CNTNAP5: variants seen among roughly 807,000 people sequenced by gnomAD.
CNTNAP5 encodes the protein contactin-associated protein-like 5.
In CNTNAP5, 72 loss-of-function variants were observed where a neutral mutation model predicts 150.2. The observed-to-expected ratio is 0.48, with a 90% CI of 0.40 to 0.58. The LOEUF (loss-of-function observed/expected upper bound fraction) is 0.58. CNTNAP5 is among the 20% of genes least tolerant of loss of function. The pLI, the probability that CNTNAP5 is intolerant of heterozygous loss-of-function variation, is 0.00. For missense variants in CNTNAP5, 1,636 were observed against 1,626.2 expected (o/e 1.01, Z -0.10); for synonymous variants, 672 against 619.8 (o/e 1.08, Z -1.25).
intron 13 of CNTNAP5, among the ~76,000 whole-genome samples, chr2:124,693,713 C>G (rs969238527): frequency 4.0e-5 from 6 of 151,550 alleles, no homozygotes; most frequent in Admixed American, 4.0e-4. Context: ...TTTAACATCG[C>G]AGGCATGGGC....
chr2:124,557,783 T>C (rs1421209080), intron 10 of CNTNAP5, among the ~76,000 whole-genome samples: 2 of 152,000 alleles, frequency 1.3e-5, no homozygotes, highest in East Asian at 3.9e-4. Context: ...TTTGAGAAGG[T>C]GACACTTGAG....
At chr2:124,557,034 A>G (rs936217715) in intron 10 of CNTNAP5, among the ~76,000 whole-genome samples, 3 of 152,072 alleles carry the variant, frequency 2.0e-5, no homozygotes, top group Middle Eastern at 3.2e-3. Context: ...AAAAGCTCTA[A>G]GTTGCATCAT....
At chr2:124,035,910 C>CTTTTTTTTTTTTT (rs759598012) in intron 1 of CNTNAP5, among the ~76,000 whole-genome samples, 1 of 76,528 alleles carries the variant, frequency 1.3e-5, no homozygotes, top group East Asian at 5.0e-4. Flanking sequence ...AGGATGAACT[C>CTTTTTTTTTTTTT]TTTTTTTTTT....
intron 8 of CNTNAP5, among the ~76,000 whole-genome samples, chr2:124,511,764 A>G (rs1194446249): frequency 1.3e-5 from 2 of 152,086 alleles, no homozygotes; most frequent in Non-Finnish European, 1.5e-5. Context: ...ATGCTACCCA[A>G]CTCCCAAAAC....
intron 19 of CNTNAP5, among the ~76,000 whole-genome samples, chr2:124,824,165 T>C (rs1162836035): frequency 6.6e-6 from 1 of 151,894 alleles, no homozygotes; most frequent in Non-Finnish European, 1.5e-5. Context: ...TGATCTGCCC[T>C]CCTCGGCTTC....
intron 13 of CNTNAP5, among the ~76,000 whole-genome samples, chr2:124,727,747 T>C (rs191225631): frequency 6.6e-6 from 1 of 152,196 alleles, no homozygotes; most frequent in Admixed American, 6.6e-5. Context: ...GATTATGTCA[T>C]CTGCAGAGAC....
chr2:124,747,359 C>T lies in CNTNAP5; in HGVS notation c.2208C>T (p.Cys736=). ...DESCLDIQHF[C]NCDADKDEWT... is the part of the protein sequence containing the mutation. ...GCTGCCTGGACATTCAGCACTTTTG[C>T]AATTGCGACGCTGACAAGGATGAAT... Residue 736 remains cysteine (C), a synonymous_variant, in exon 14 of 24, where the codon TGC becomes TGT. Transcript: ENST00000682447. The T allele has an allele frequency of 5.6e-6, 9 of 1,613,762 alleles. No homozygotes were observed. Among genetic ancestry groups the T allele is most frequent in the Non-Finnish European group, 7.6e-6 (9 of 1,179,744 alleles).
At chr2:124,664,476 G>T (rs963835865) in intron 13 of CNTNAP5, among the ~76,000 whole-genome samples, 5 of 152,052 alleles carry the variant, frequency 3.3e-5, no homozygotes, top group Admixed American at 2.0e-4. Context: ...TCATGAATTG[G>T]CTTGGGGCTC....
chr2:124,053,948 C>T (rs1681777048), intron 1 of CNTNAP5, among the ~76,000 whole-genome samples: 1 of 152,146 alleles, frequency 6.6e-6, no homozygotes, highest in Non-Finnish European at 1.5e-5. Context: ...CAAGTTGTGG[C>T]AGGCCTTGGA....
At chr2:124,511,421 G>A (rs1359007626) in intron 8 of CNTNAP5, among the ~76,000 whole-genome samples, 1 of 152,144 alleles carries the variant, frequency 6.6e-6, no homozygotes, top group East Asian at 1.9e-4. Flanking sequence ...GTTTTTTGTA[G>A]TGCTTCTCAA....
intron 8 of CNTNAP5, among the ~76,000 whole-genome samples, chr2:124,510,337 C>CTATATATCTATATATATATATCTA (rs1558933371): frequency 1.3e-3 from 6 of 4,622 alleles, no homozygotes; most frequent in Non-Finnish European, 1.6e-3. Flanking sequence ...ATATATATAT[C>CTATATATCTATATATATATATCTA]TCCATATGTC....
intron 1 of CNTNAP5, among the ~76,000 whole-genome samples, chr2:124,172,953 C>T (rs1390248039): frequency 6.6e-6 from 1 of 152,182 alleles, no homozygotes; most frequent in Non-Finnish European, 1.5e-5. Flanking sequence ...AATCTATTGG[C>T]ACCACCTTTC....
chr2:124,601,699 A>AC (rs369169487), intron 11 of CNTNAP5, among the ~76,000 whole-genome samples: 2 of 151,900 alleles, frequency 1.3e-5, no homozygotes, highest in African/African-American at 2.4e-5. Context: ...AAGGAAAAAA[A>AC]CCAATCTTCT....
intron 3 of CNTNAP5, among the ~76,000 whole-genome samples, chr2:124,300,669 G>A (rs1688551293): frequency 6.6e-6 from 1 of 152,210 alleles, no homozygotes; most frequent in African/African-American, 2.4e-5. Context: ...AGTTTATGCT[G>A]AAGATGGAAG....
At chr2:124,563,572 G>A (rs1695943818) in intron 11 of CNTNAP5, among the ~76,000 whole-genome samples, 3 of 152,222 alleles carry the variant, frequency 2.0e-5, no homozygotes, top group Admixed American at 1.3e-4. Flanking sequence ...CAGTACAGTT[G>A]AATAAGTTTA....
chr2:124,742,440 G>A (rs1273428766), intron 13 of CNTNAP5, among the ~76,000 whole-genome samples: 1 of 152,036 alleles, frequency 6.6e-6, no homozygotes, highest in Non-Finnish European at 1.5e-5. Context: ...CTTGAAACTT[G>A]GGGTAGGGAG....
intron 11 of CNTNAP5, among the ~76,000 whole-genome samples, chr2:124,589,264 A>G (rs112547812): frequency 0.019 from 2,899 of 152,258 alleles, 38 homozygotes; most frequent in Non-Finnish European, 0.029. Context: ...TAATTTGGAC[A>G]TTTAACATAA....
chr2:124,551,431 G>A (rs1254118078), intron 10 of CNTNAP5, among the ~76,000 whole-genome samples: 1 of 152,116 alleles, frequency 6.6e-6, no homozygotes, highest in Non-Finnish European at 1.5e-5. Flanking sequence ...CATAGAAATA[G>A]GTTTCAAAAG....
intron 13 of CNTNAP5, among the ~76,000 whole-genome samples, chr2:124,736,931 T>G (rs1202331247): frequency 6.6e-6 from 1 of 152,060 alleles, no homozygotes; most frequent in African/African-American, 2.4e-5. Flanking sequence ...CTAATTCCAA[T>G]GGGGAATACA....
Sources: allele counts gnomAD v4.1 joint callset (sites outside exome capture counted in the v4.1 genomes callset), GRCh38; gene constraint gnomAD v4.1.1; transcripts MANE v1.5; gene names NCBI Gene and HGNC (gene_info 2026-07-23, HGNC 2026-07-21).